Variants in NRXN1 observed in about 807,000 individuals in gnomAD.
NRXN1 encodes the protein neurexin 1, also known as neurexin-1.
Under a neutral mutation model 150.9 loss-of-function variants are expected in NRXN1, and 39 were observed. That is an observed-to-expected ratio of 0.26 (90% CI 0.20 to 0.34). The LOEUF (loss-of-function observed/expected upper bound fraction) is 0.34. Ranked by LOEUF, NRXN1 falls within the 10% of genes least tolerant of loss-of-function variation. The pLI, the probability that NRXN1 is intolerant of heterozygous loss-of-function variation, is 1.00. For missense variants in NRXN1, 1,815 were observed against 1,949.9 expected (o/e 0.93, Z 1.30); for synonymous variants, 924 against 757.0 (o/e 1.22, Z -3.62).
At chr2:50,468,918 G>A (rs901380253) in intron 16 of NRXN1, among the ~76,000 whole-genome samples, 1 of 151,562 alleles carries the variant, frequency 6.6e-6, no homozygotes, top group Non-Finnish European at 1.5e-5. Flanking sequence ...AGATATAATG[G>A]AGCCTAGAGC....
intron 2 of NRXN1, among the ~76,000 whole-genome samples, chr2:51,014,032 C>A (rs1352577049): frequency 2.6e-5 from 4 of 151,958 alleles, no homozygotes. Context: ...ATAACAAAAA[C>A]CTATCAAGAA....
At chr2:49,975,214 T>A (rs2152500647) in intron 21 of NRXN1, among the ~76,000 whole-genome samples, 1 of 152,038 alleles carries the variant, frequency 6.6e-6, no homozygotes, top group Non-Finnish European at 1.5e-5. Context: ...GATTTTTTTT[T>A]TAAAGCTCAA....
chr2:50,459,930 T>C (rs780186803), intron 17 of NRXN1, among the ~76,000 whole-genome samples: 2 of 152,106 alleles, frequency 1.3e-5, no homozygotes, highest in South Asian at 2.1e-4. Context: ...TCTGCACCTG[T>C]TGTGTTGCTA....
chr2:50,442,129 G>A (rs556204862), intron 17 of NRXN1, among the ~76,000 whole-genome samples: 1 of 152,076 alleles, frequency 6.6e-6, no homozygotes, highest in East Asian at 1.9e-4. Context: ...GACTTCATGG[G>A]CTCAAATCTC....
At chr2:50,635,867 T>G (rs75071298) in intron 5 of NRXN1, among the ~76,000 whole-genome samples, 5,396 of 152,230 alleles carry the variant, frequency 0.035, 155 homozygotes, top group Non-Finnish European at 0.054. Flanking sequence ...GAGGTTCCAT[T>G]TACAATGAAG....
chr2:50,984,134 ATTTTTTTTTTTTTT>A (rs70958636), intron 2 of NRXN1, among the ~76,000 whole-genome samples: 1 of 72,794 alleles, frequency 1.4e-5, no homozygotes, highest in Non-Finnish European at 2.4e-5. Context: ...CGCCAGGCTA[ATTTTTTTTTTTTTT>A]TTTTTTTTTT....
At chr2:50,446,166 A>G (rs1573000000) in intron 17 of NRXN1, among the ~76,000 whole-genome samples, 1 of 152,294 alleles carries the variant, frequency 6.6e-6, no homozygotes, top group South Asian at 2.1e-4. Flanking sequence ...ATCAAGACAC[A>G]TAGTTGCAGA....
intron 2 of NRXN1, among the ~76,000 whole-genome samples, chr2:50,975,875 T>C (rs1695741471): frequency 6.6e-6 from 1 of 152,098 alleles, no homozygotes; most frequent in Admixed American, 6.6e-5. Flanking sequence ...ATATCAATGT[T>C]AGGGGAAGAA....
At chr2:50,911,821 T>C (rs896315292) in intron 5 of NRXN1, among the ~76,000 whole-genome samples, 4 of 151,864 alleles carry the variant, frequency 2.6e-5, no homozygotes, top group African/African-American at 9.7e-5. Context: ...GTAAAGCACA[T>C]GGTCTGAACT....
intron 18 of NRXN1, among the ~76,000 whole-genome samples, chr2:50,129,870 T>A (rs1306185557): frequency 6.6e-6 from 1 of 152,172 alleles, no homozygotes; most frequent in African/African-American, 2.4e-5. Context: ...TTACTTGAAT[T>A]GACTCCAAAA....
In NRXN1 at chr2:50,347,637, G is replaced by C; in HGVS notation, c.3365-110667C>G. The C allele has an allele frequency of 2.0e-6, 2 of 997,484 alleles. No individual in the cohort carries two copies. The highest frequency in any genetic ancestry group is 2.4e-6 in the Non-Finnish European group (2 of 837,374). 61.8% of individuals were successfully genotyped at this position (997,484 alleles called of 1,614,324 possible). ...ACTTACGCCCGGCGAGGGGTTCAGAGGGAAGAGTGCGCCCTTCTGAAGGAA... is the reference window on the plus strand; with the variant it reads ...ACTTACGCCCGGCGAGGGGTTCAGACGGAAGAGTGCGCCCTTCTGAAGGAA... On this transcript the variant is annotated intron_variant, in intron 17 of 22. Coordinates refer to ENST00000401669, the MANE Select transcript of NRXN1 (RefSeq NM_001330078.2). This position sits in a 1 kb window ranked among gnomAD's most constrained non-coding sequence, Gnocchi z 4.9.
chr2:50,396,859 C>A (rs573443992), intron 17 of NRXN1, among the ~76,000 whole-genome samples: 6 of 152,192 alleles, frequency 3.9e-5, no homozygotes, highest in Non-Finnish European at 7.4e-5. Flanking sequence ...GGTTTCTCAA[C>A]AATTTTACAT....
At chr2:50,587,227 G>A (rs1425832303) in intron 8 of NRXN1, among the ~76,000 whole-genome samples, 1 of 152,300 alleles carries the variant, frequency 6.6e-6, no homozygotes, top group Non-Finnish European at 1.5e-5. Flanking sequence ...GCTCACACCT[G>A]TAATCCCAAC....
At chr2:51,001,956 T>C (rs1397368666) in intron 2 of NRXN1, among the ~76,000 whole-genome samples, 1 of 151,968 alleles carries the variant, frequency 6.6e-6, no homozygotes, top group Non-Finnish European at 1.5e-5. Context: ...AACATCCTTG[T>C]CTCTGAAGAA....
intron 18 of NRXN1, among the ~76,000 whole-genome samples, chr2:50,165,185 T>C (rs1364081963): frequency 6.6e-6 from 1 of 152,046 alleles, no homozygotes; most frequent in African/African-American, 2.4e-5. Context: ...AAGTAGAAGG[T>C]GGAAGAAGAA....
At chr2:50,620,457 T>C (rs1443196510) in intron 7 of NRXN1, among the ~76,000 whole-genome samples, 1 of 152,140 alleles carries the variant, frequency 6.6e-6, no homozygotes. Context: ...GTCAGCATCA[T>C]CCCTACTGCA....
chr2:50,276,419 A>T (rs2070480282), intron 17 of NRXN1, among the ~76,000 whole-genome samples: 2 of 152,120 alleles, frequency 1.3e-5, no homozygotes, highest in South Asian at 4.1e-4. Context: ...TACCTCAAAC[A>T]ATTAAGTTTG....
intron 5 of NRXN1, among the ~76,000 whole-genome samples, chr2:50,911,491 T>C (rs1241217869): frequency 6.6e-6 from 1 of 151,914 alleles, no homozygotes; most frequent in East Asian, 1.9e-4. Context: ...GTAGAATCCA[T>C]GGACCAAATT....
Position 49,991,478 on chromosome 2 carries a change from C to T in NRXN1, c.4129-47687G>A, listed in dbSNP as rs72887840. Among the ~76,000 whole-genome samples, 972 of 152,156 alleles carry T rather than the reference C, an allele frequency of 6.4e-3. 12 individuals carry two copies. The highest frequency in any genetic ancestry group is 0.023 in the African/African-American group (934 of 41,500). Reference sequence around the variant, plus strand: ...AATAAAAAAAACATAATAACATTTACATTAGCACCCCCCCAAAATGAAACA... The same window carrying T: ...AATAAAAAAAACATAATAACATTTATATTAGCACCCCCCCAAAATGAAACA... On this transcript the variant is annotated intron_variant, in intron 21 of 22. Transcript: ENST00000401669.
Sources: gnomAD v4.1 joint callset for allele counts (sites outside exome capture counted in the v4.1 genomes callset) on GRCh38, gnomAD v4.1.1 for gene constraint, Gnocchi (gnomAD v3.1) non-coding constraint, MANE v1.5 for transcripts, NCBI Gene and HGNC (gene_info 2026-07-23, HGNC 2026-07-21) for gene names.